Variants in SYT9 observed in about 807,000 individuals in gnomAD.
The protein encoded by SYT9 is synaptotagmin-9.
SYT9 carries 22 observed loss-of-function variants against 48.4 expected under a neutral mutation model. That is an observed-to-expected ratio of 0.45 (90% confidence interval 0.32 to 0.65). The LOEUF is 0.65. Ranked by LOEUF, SYT9 falls within the 30% of genes least tolerant of loss-of-function variation. SYT9 has a pLI of 0.03. For synonymous variants in SYT9, 265 were observed against 245.0 expected, an observed-to-expected ratio of 1.08 and a Z score of -0.76; for missense variants, 577 against 622.0, an observed-to-expected ratio of 0.93 and a Z score of 0.77.
At chr11:7,313,330 A>G in intron 2 of SYT9, 65 bp from the exon 3 acceptor site, 1 of 1,508,186 alleles carries the variant, frequency 6.6e-7, no homozygotes, top group South Asian at 1.4e-5. Flanking sequence ...ATCCCAGGCA[A>G]AAGTTTCTGA....
intron 1 of SYT9, among the ~76,000 whole-genome samples, chr11:7,278,772 C>G (rs1009029124): frequency 1.3e-5 from 2 of 152,152 alleles, no homozygotes; most frequent in Non-Finnish European, 2.9e-5. Context: ...CATTCTAATT[C>G]TTACAAGTGG....
chr11:7,255,022 C>A (rs972859650), intron 1 of SYT9, among the ~76,000 whole-genome samples: 5 of 152,134 alleles, frequency 3.3e-5, no homozygotes, highest in African/African-American at 9.7e-5. Flanking sequence ...AAAAAATAAG[C>A]CTAAGTCACA....
At chr11:7,343,955 A>T (rs1269068519) in intron 3 of SYT9, among the ~76,000 whole-genome samples, 1 of 152,160 alleles carries the variant, frequency 6.6e-6, no homozygotes, top group Non-Finnish European at 1.5e-5. Context: ...AGACTTATTC[A>T]CTACCACAAG....
intron 6 of SYT9, among the ~76,000 whole-genome samples, chr11:7,426,289 T>G (rs1235046053): frequency 6.6e-6 from 1 of 152,102 alleles, no homozygotes; most frequent in Non-Finnish European, 1.5e-5. Context: ...CTGGTGTAAC[T>G]GTGGGCTATA....
Position 7,303,318 on chromosome 11 carries a change from C to T in SYT9, c.425C>T (p.Thr142Met), listed in dbSNP as rs200034628. 5.1e-5 allele frequency: 82 copies of T among 1,613,942 alleles called. No individual in the cohort carries two copies. Among genetic ancestry groups the T allele is most frequent in the East Asian group, 2.2e-4 (10 of 44,860 alleles). ...CCTGACATTCCCCTCTCCACCCAGA[C>T]GGGGATCCAGGAGAACTGTGCCCAT... ...TSPDIPLSTQ[T>M]GIQENCAHGV... Residue 142 changes from threonine (T) to methionine (M), a missense_variant, in exon 2 of 7, where the codon ACG (threonine) becomes ATG (methionine). Transcript: ENST00000318881.
chr11:7,240,878 T>G, intron 1 of SYT9, among the ~76,000 whole-genome samples: 1 of 152,098 alleles, frequency 6.6e-6, no homozygotes, highest in East Asian at 1.9e-4. Context: ...TTATCTAAAC[T>G]TGATGGGTTT....
intron 6 of SYT9, among the ~76,000 whole-genome samples, chr11:7,445,483 C>T (rs1847909681): frequency 1.3e-5 from 2 of 152,150 alleles, no homozygotes; most frequent in African/African-American, 4.8e-5. Flanking sequence ...CCCCTCCTCC[C>T]TGACCCTACC....
intron 1 of SYT9, among the ~76,000 whole-genome samples, chr11:7,260,338 G>T (rs1312585335): frequency 6.6e-6 from 1 of 152,210 alleles, no homozygotes; most frequent in East Asian, 1.9e-4. Flanking sequence ...TTGGGCAGAA[G>T]AGTTTGTCTG....
chr11:7,458,611 A>G (rs11041395), intron 6 of SYT9, among the ~76,000 whole-genome samples: 21,023 of 152,192 alleles, frequency 0.14, 1,806 homozygotes, highest in African/African-American at 0.24. Context: ...AACAATTGCA[A>G]TATTTGAGCA....
intron 1 of SYT9, among the ~76,000 whole-genome samples, chr11:7,271,455 C>T (rs1195608007): frequency 6.6e-6 from 1 of 152,154 alleles, no homozygotes; most frequent in Non-Finnish European, 1.5e-5. Context: ...GGTCCCTGGC[C>T]CAGGCCCGCC....
chr11:7,404,758 C>T (rs893171821), intron 3 of SYT9, among the ~76,000 whole-genome samples: 4 of 152,148 alleles, frequency 2.6e-5, no homozygotes, highest in South Asian at 4.1e-4. Context: ...CCTGAATTCC[C>T]GCAGAAATTT....
chr11:7,349,395 A>ACACACACACACACG (rs1482491784), intron 3 of SYT9, among the ~76,000 whole-genome samples: 5 of 151,932 alleles, frequency 3.3e-5, no homozygotes, highest in Admixed American at 2.6e-4. Context: ...ACACACACAC[A>ACACACACACACACG]CACACACACA....
chr11:7,245,422 CTTTT>C (rs1040418927), intron 1 of SYT9, among the ~76,000 whole-genome samples: 1 of 147,406 alleles, frequency 6.8e-6, no homozygotes, highest in Non-Finnish European at 1.5e-5. Flanking sequence ...TCTTTTCTCT[CTTTT>C]TTTTTTGTTT....
At position 7,313,452 on chromosome 11, in the gene SYT9, G is replaced by A. The variant is rs1849178418; in HGVS notation, c.555G>A (p.Gln185=). The part of the protein sequence containing the change: ...NLSNPDFNIQ[Q]LQKQEQLTGI... ...CAAACCCGGACTTCAATATCCAGCA[G>A]CTTCAAAAACAGGAACAGTTGACTG... Residue 185 remains glutamine, a synonymous_variant, in exon 3 of 7, where the codon CAG becomes CAA. Coordinates refer to ENST00000318881, the MANE Select transcript of SYT9 (RefSeq NM_175733.4). 1 of 1,613,952 alleles carries A rather than the reference G, an allele frequency of 6.2e-7. No homozygotes were observed. The highest frequency in any genetic ancestry group is 1.7e-5 in the Admixed American group (1 of 60,000).
At chr11:7,363,659 A>G (rs1465354289) in intron 3 of SYT9, among the ~76,000 whole-genome samples, 2 of 152,220 alleles carry the variant, frequency 1.3e-5, no homozygotes, top group Non-Finnish European at 2.9e-5. Flanking sequence ...CCAATGAAGT[A>G]GAAGCTTCCG....
rs138346040 is a variant in SYT9 at position 7,365,646 on chromosome 11, T to G, written c.1045-50396T>G. Among the ~76,000 whole-genome samples, 64 of 152,376 alleles carry G rather than the reference T, an allele frequency of 4.2e-4. 1 individual carries two copies. In the East Asian group the frequency reaches 0.01, roughly 24 times the overall value. On this transcript the variant is annotated intron_variant, in intron 3 of 6. Transcript: ENST00000318881. ...TGAATTAGCGAATTAAACTTTCTTC[T>G]CAGAGTATTTTCACCAACAGTTTTC... is the stretch of plus-strand genomic sequence containing the variant.
chr11:7,297,103 A>AGAG (rs1491198295), intron 1 of SYT9, among the ~76,000 whole-genome samples: 2 of 124,518 alleles, frequency 1.6e-5, no homozygotes, highest in Non-Finnish European at 3.5e-5. Flanking sequence ...AGAGAGAGAC[A>AGAG]GAGAGAGAGA....
chr11:7,417,554 TC>T (rs1245658884), intron 4 of SYT9, among the ~76,000 whole-genome samples: 1 of 152,162 alleles, frequency 6.6e-6, no homozygotes, highest in Admixed American at 6.5e-5. Flanking sequence ...GTCTAGGAAT[TC>T]CCTTTCTTAA....
intron 1 of SYT9, among the ~76,000 whole-genome samples, chr11:7,284,262 G>A (rs1163439378): frequency 1.3e-5 from 2 of 152,104 alleles, no homozygotes; most frequent in Non-Finnish European, 2.9e-5. Flanking sequence ...CTTCTAGAAA[G>A]ATACTCTTTA....
Sources: gnomAD v4.1 joint callset for allele counts (sites outside exome capture counted in the v4.1 genomes callset) on GRCh38, gnomAD v4.1.1 for gene constraint, MANE v1.5 for transcripts, NCBI Gene and HGNC (gene_info 2026-07-23, HGNC 2026-07-21) for gene names.